ZNF518B: variants seen among roughly 807,000 people sequenced by gnomAD.
ZNF518B encodes zinc finger protein 518B.
ZNF518B carries 23 observed loss-of-function variants against 56.3 expected under a neutral mutation model. The ratio of observed to expected loss-of-function variants is 0.41; its 90% confidence interval spans 0.29 to 0.58. The LOEUF is 0.58. ZNF518B is among the 20% of genes least tolerant of loss of function. The probability of loss-of-function intolerance (pLI) is 0.32; values close to 1 mark genes in which losing one functional copy is unlikely to be tolerated. For synonymous variants in ZNF518B, 529 were observed against 465.9 expected (o/e 1.14, Z -1.74); for missense variants, 1,460 against 1,272.1 (o/e 1.15, Z -2.25).
intron 2 of ZNF518B, among the ~76,000 whole-genome samples, chr4:10,448,363 G>A (rs928262878): frequency 1.3e-5 from 2 of 152,112 alleles, no homozygotes; most frequent in African/African-American, 2.4e-5. Context: ...AAAGACCGAC[G>A]TCGGGGAGTT....
At position 10,445,691 on chromosome 4, in the gene ZNF518B, T is replaced by C. The variant is rs1333814180; in HGVS notation, c.638A>G (p.His213Arg). Residue 213 changes from histidine (H) to arginine (R), a missense_variant, in exon 3 of 3, where the codon CAT (histidine) becomes CGT (arginine). By Grantham distance (29) the His-to-Arg change is conservative. Transcript: ENST00000326756. Reference protein sequence around the residue: ...DYIVKHTKRVHERAGAKRPVK... With the variant: ...DYIVKHTKRVRERAGAKRPVK... ...TGGCCGTTTCGCACCTGCCCTTTCA[T>C]GTACTCTCTTCGTGTGTTTGACAAT... 11 of 1,614,208 alleles carry C rather than the reference T, an allele frequency of 6.8e-6. No individual in the cohort carries two copies. The highest frequency in any genetic ancestry group is 1.6e-4 in the Middle Eastern group (1 of 6,062).
intron 2 of ZNF518B, chr4:10,452,116 G>A (rs1292665699): frequency 1.3e-5 from 2 of 152,186 alleles, no homozygotes; most frequent in Non-Finnish European, 2.9e-5. Context: ...GCCTTTGAAT[G>A]TGGCTCTACC....
At position 10,440,025 on chromosome 4, in the gene ZNF518B, A is replaced by G. The variant is rs914915025; in HGVS notation, c.*3079T>C. On this transcript the variant is annotated 3_prime_UTR_variant, in exon 3 of 3. Transcript: ENST00000326756. Reference sequence around the variant, plus strand: ...TACAATAATGCTTAAAACATGTTACACAATGTTTTGTTTCTGCTCATATAG... The same window carrying G: ...TACAATAATGCTTAAAACATGTTACGCAATGTTTTGTTTCTGCTCATATAG... 1.3e-5 allele frequency: 2 copies of G among 152,686 alleles called. No homozygotes were observed. Among genetic ancestry groups the G allele is most frequent in the Non-Finnish European group, 2.9e-5 (2 of 68,054 alleles). 9.5% of individuals were successfully genotyped at this position (152,686 alleles called of 1,614,324 possible).
rs774678851 is a variant in ZNF518B, at chr4:10,444,161, G to C, written c.2168C>G (p.Thr723Ser). 1 of 1,614,196 alleles carries C rather than the reference G, an allele frequency of 6.2e-7. No individual in the cohort carries two copies. Among genetic ancestry groups the C allele is most frequent in the Non-Finnish European group, 8.5e-7 (1 of 1,180,036 alleles). Residue 723 changes from threonine (T) to serine (S), a missense_variant, in exon 3 of 3, where the codon ACT becomes AGT. Coordinates refer to ENST00000326756, the MANE Select transcript of ZNF518B (RefSeq NM_053042.3). ...SLTGLGHSTG[T>S]LQKPPNDGGI... ...ACCATCATTCGGAGGTTTCTGAAGAGTACCTGTGGAATGGCCAAGACCAGT... is the reference window on the plus strand; with the variant it reads ...ACCATCATTCGGAGGTTTCTGAAGACTACCTGTGGAATGGCCAAGACCAGT...
chr4:10,450,180 A>C (rs909399510), intron 2 of ZNF518B, among the ~76,000 whole-genome samples: 1 of 152,184 alleles, frequency 6.6e-6, no homozygotes, highest in Non-Finnish European at 1.5e-5. Flanking sequence ...AATCCATAGG[A>C]GCAAGTGCCA....
chr4:10,459,150 A>C (rs1052891664), upstream of ZNF518B, among the ~76,000 whole-genome samples: 2 of 152,206 alleles, frequency 1.3e-5, no homozygotes, highest in African/African-American at 4.8e-5. Flanking sequence ...GTCAACATTA[A>C]ACAAGAGAAA....
chr4:10,443,551 T>C lies in ZNF518B; in HGVS notation c.2778A>G (p.Ile926Met), dbSNP rs766021676. ...TAATCAACTGATCTGGCTTAGCTGC[T>C]ATCAGTCTTAGTTGCCTTGCAACCT... ...IFQVARQLRLIAAKPDQLIKC... is the reference protein window; with the variant it reads ...IFQVARQLRLMAAKPDQLIKC... Residue 926 changes from isoleucine (I) to methionine (M), a missense_variant, in exon 3 of 3, where the codon ATA (isoleucine) becomes ATG (methionine). Coordinates refer to ENST00000326756, the MANE Select transcript of ZNF518B (RefSeq NM_053042.3). The C allele has an allele frequency of 2.5e-6, 4 of 1,614,204 alleles. No homozygotes were observed. The East Asian group carries it at 8.9e-5, about 36-fold the overall frequency.
At chr4:10,460,408 G>A (rs2109001942), upstream of ZNF518B, among the ~76,000 whole-genome samples, 1 of 151,294 alleles carries the variant, frequency 6.6e-6, no homozygotes, top group Admixed American at 6.6e-5. Context: ...TGACGAACAG[G>A]GTAAGGCTCA....
chr4:10,444,955 T>A lies in ZNF518B; in HGVS notation c.1374A>T (p.Glu458Asp). ...HNNGKSFINS[E>D]TIEDFQKKNN... is the part of the protein sequence containing the mutation. ...TTTTTTTCTGAAAATCCTCAATTGT[T>A]TCCGAATTAATGAAGGATTTTCCAT... is the stretch of plus-strand genomic sequence containing the variant. The change falls in exon 3 of 3, where the codon GAA becomes GAT. Residue 458 changes from glutamate (E) to aspartate (D), a missense_variant. Transcript: ENST00000326756. The A allele has an allele frequency of 6.2e-7, 1 of 1,612,394 alleles. No individual in the cohort carries two copies. Among genetic ancestry groups the A allele is most frequent in the Non-Finnish European group, 8.5e-7 (1 of 1,179,530 alleles).
chr4:10,445,234 C>T lies in ZNF518B; in HGVS notation c.1095G>A (p.Pro365=), dbSNP rs747124664. The part of the protein sequence containing the change: ...GTQQLVLKLF[P]LEENNCLEAG... ...CTTCAAGGCAATTATTTTCTTCCAG[C>T]GGAAACAGTTTCAGAACAAGCTGCT... The change falls in exon 3 of 3, where the codon CCG becomes CCA. Residue 365 remains proline (P), a synonymous_variant. Coordinates refer to ENST00000326756, the MANE Select transcript of ZNF518B (RefSeq NM_053042.3). The T allele has an allele frequency of 1.3e-5, 21 of 1,614,064 alleles. No homozygotes were observed. Among genetic ancestry groups the T allele is most frequent in the Admixed American group, 1.0e-4 (6 of 60,000 alleles).
At chr4:10,456,734 G>A (rs1715549432) in intron 1 of ZNF518B, among the ~76,000 whole-genome samples, 1 of 152,176 alleles carries the variant, frequency 6.6e-6, no homozygotes, top group Non-Finnish European at 1.5e-5. Context: ...AGGGAAGGCC[G>A]GGGTTCTTCC....
In ZNF518B at chr4:10,444,004, C is replaced by T. The variant is rs771775265; in HGVS notation, c.2325G>A (p.Gly775=). The T allele has an allele frequency of 1.1e-5, 17 of 1,614,052 alleles. No homozygotes were observed. The highest frequency in any genetic ancestry group is 2.7e-5 in the African/African-American group (2 of 74,914). ...HVATPVLIPK[G]AVLRVLNSSE... is the part of the protein sequence containing the mutation. ...AGGAATTAAGAACCCTCAACACAGC[C>T]CCTTTGGGGATTAACACTGGCGTGG... is the stretch of plus-strand genomic sequence containing the variant. Residue 775 remains glycine, a synonymous_variant, in exon 3 of 3, where the codon GGG becomes GGA. Transcript: ENST00000326756.
chr4:10,460,035 T>C (rs1289551091), upstream of ZNF518B, among the ~76,000 whole-genome samples: 1 of 152,050 alleles, frequency 6.6e-6, no homozygotes, highest in Non-Finnish European at 1.5e-5. Context: ...CTGGGCGCAG[T>C]AGCTCATGCC....
chr4:10,458,001 G>T (rs1428883656), upstream of ZNF518B, among the ~76,000 whole-genome samples: 5 of 152,166 alleles, frequency 3.3e-5, no homozygotes, highest in Admixed American at 2.0e-4. Flanking sequence ...GCAGTTGGGC[G>T]TTGCGAGGGT....
intron 2 of ZNF518B, chr4:10,451,364 A>G (rs1025961144): frequency 2.6e-5 from 4 of 152,222 alleles, no homozygotes; most frequent in African/African-American, 9.6e-5. Flanking sequence ...GTTTAAAGGT[A>G]GAGATTCTGG....
chr4:10,458,785 T>C (rs891475130), upstream of ZNF518B, among the ~76,000 whole-genome samples: 1 of 152,166 alleles, frequency 6.6e-6, no homozygotes, highest in African/African-American at 2.4e-5. Flanking sequence ...GGGAAAGGCA[T>C]TGAGAATCCA....
intron 2 of ZNF518B, among the ~76,000 whole-genome samples, chr4:10,449,453 CT>C (rs761987661): frequency 7.2e-5 from 11 of 152,212 alleles, no homozygotes; most frequent in Non-Finnish European, 1.6e-4. Flanking sequence ...CAAAAAACCA[CT>C]TCCCTCTATA....
In ZNF518B at chr4:10,445,596, C is replaced by T. The variant is rs1472273450; in HGVS notation, c.733G>A (p.Ala245Thr). The T allele has an allele frequency of 2.5e-6, 4 of 1,614,158 alleles. 1 individual carries two copies. In the South Asian group the frequency reaches 4.4e-5, roughly 18 times the overall value. The change falls in exon 3 of 3, where the codon GCT becomes ACT. Residue 245 changes from alanine (A) to threonine (T), a missense_variant. Ala to Thr is a moderately conservative substitution (Grantham distance 58). Coordinates refer to ENST00000326756, the MANE Select transcript of ZNF518B (RefSeq NM_053042.3). ...TSKQNPELLK[A>T]SNPRTTFQNK... ...TGAAATGTAGTCCGTGGATTGGAAG[C>T]TTTTAGAAGCTCTGGGTTTTGTTTT...
rs764033768 is a variant in ZNF518B at position 10,443,948 on chromosome 4, C to T, written c.2381G>A (p.Cys794Tyr). The stretch of plus-strand genomic sequence containing the variant: ...GCAAGGTATGCTGACAGGTGCTTCA[C>T]ATGTAGCCTCTATGATGTGGGCATT... ...SENAHIIEAT[C>Y]EAPVSIPCSE... Residue 794 changes from cysteine (C) to tyrosine (Y), a missense_variant, in exon 3 of 3, where the codon TGT becomes TAT. By Grantham distance (194) the Cys-to-Tyr change is radical. Coordinates refer to ENST00000326756, the MANE Select transcript of ZNF518B (RefSeq NM_053042.3). 5.0e-6 allele frequency: 8 copies of T among 1,614,206 alleles called. No individual in the cohort carries two copies. In the South Asian group the frequency reaches 7.7e-5, roughly 16 times the overall value.
Sources: gnomAD v4.1 joint callset for allele counts (sites outside exome capture counted in the v4.1 genomes callset) on GRCh38, gnomAD v4.1.1 for gene constraint, MANE v1.5 for transcripts, NCBI Gene and HGNC (gene_info 2026-07-23, HGNC 2026-07-21) for gene names.